CREBBP: variants seen among roughly 807,000 people sequenced by gnomAD.
CREBBP encodes the protein CREB-binding protein.
In CREBBP, 19 loss-of-function variants were observed where a neutral mutation model predicts 265.0. The ratio of observed to expected loss-of-function variants is 0.07; its 90% confidence interval spans 0.05 to 0.11. The LOEUF is 0.11. Among genes scored for constraint, CREBBP ranks in the 10% least tolerant of loss-of-function variants. The pLI is 1.00. For missense variants in CREBBP, 2,525 were observed against 3,219.0 expected (o/e 0.78, Z 5.22); for synonymous variants, 1,457 against 1,223.7 (o/e 1.19, Z -3.98).
rs1286720330 is a variant in CREBBP at position 3,740,419 on chromosome 16, G to C, written c.4113C>G (p.Val1371=). The C allele has an allele frequency of 4.3e-6, 7 of 1,614,044 alleles. No individual in the cohort carries two copies. The East Asian group carries it at 8.9e-5, about 21-fold the overall frequency. The change falls in exon 24 of 31, where the codon GTC becomes GTG. Residue 1371 remains valine, a synonymous_variant. Transcript: ENST00000262367. ...VVASSDKTVE[V]KPGMKSRFVD... is the part of the protein sequence containing the mutation. The stretch of plus-strand genomic sequence containing the variant: ...CTGACCGTGACTTCATCCCGGGCTT[G>C]ACCTCCACCGTCTTGTCTGAGCTGG...
At chr16:3,848,624 C>G (rs1452923168) in intron 2 of CREBBP, among the ~76,000 whole-genome samples, 3 of 151,966 alleles carry the variant, frequency 2.0e-5, no homozygotes, top group African/African-American at 7.3e-5. Flanking sequence ...ATTCAGGAGT[C>G]TTGAGATTAA....
chr16:3,853,327 C>G (rs1297605232), intron 1 of CREBBP, among the ~76,000 whole-genome samples: 2 of 152,146 alleles, frequency 1.3e-5, no homozygotes, highest in Admixed American at 6.5e-5. Context: ...TTTAAAACAT[C>G]AGGCCGGGTG....
chr16:3,770,642 G>T lies in CREBBP; in HGVS notation c.2808C>A (p.Pro936=), dbSNP rs1173731291. The T allele has an allele frequency of 3.1e-6, 5 of 1,613,864 alleles. No individual in the cohort carries two copies. Among genetic ancestry groups the T allele is most frequent in the Non-Finnish European group, 4.2e-6 (5 of 1,180,032 alleles). The change falls in exon 14 of 31, where the codon CCC becomes CCA. Residue 936 remains proline (P), a synonymous_variant. Coordinates refer to ENST00000262367, the MANE Select transcript of CREBBP (RefSeq NM_004380.3). Reference sequence around the variant, plus strand: ...ATGACTGAGGGGTAGCCACAGACGGGGGCTGAACTGGGGTTTGAGGCTGCG... The same window carrying T: ...ATGACTGAGGGGTAGCCACAGACGGTGGCTGAACTGGGGTTTGAGGCTGCG... ...VTPQPQTPVQ[P]PSVATPQSSQ... is the part of the protein sequence containing the mutation.
intron 11 of CREBBP, 71 bp downstream of exon 11, chr16:3,777,542 G>T: frequency 6.7e-7 from 1 of 1,494,712 alleles, no homozygotes; most frequent in Non-Finnish European, 9.3e-7. Context: ...CAGGGGGAGA[G>T]GAAAAAACAG....
chr16:3,732,257 C>T (rs774797047), intron 28 of CREBBP, among the ~76,000 whole-genome samples: 1 of 152,210 alleles, frequency 6.6e-6, no homozygotes, highest in Non-Finnish European at 1.5e-5. Flanking sequence ...CAACCAGATG[C>T]GGAAGATTCC....
chr16:3,754,378 T>G (rs1192680313), intron 19 of CREBBP, among the ~76,000 whole-genome samples: 1 of 152,206 alleles, frequency 6.6e-6, no homozygotes, highest in East Asian at 1.9e-4. Flanking sequence ...TAGTCCACAC[T>G]TTATTCTCCC....
At chr16:3,730,035 G>C (rs922814106) in intron 30 of CREBBP, among the ~76,000 whole-genome samples, 161 bp from the exon 31 acceptor site, 1 of 152,100 alleles carries the variant, frequency 6.6e-6, no homozygotes, top group South Asian at 2.1e-4. Flanking sequence ...TGGGAGACCC[G>C]GACAGGGCGG....
rs557312356 is a variant in CREBBP at position 3,868,846 on chromosome 16, C to T, written c.85+10986G>A. The stretch of plus-strand genomic sequence containing the variant: ...CTGCCACTACTGTCATCACCACAGC[C>T]CAGCAGGGTGCCCCACACGTAAAAT... On this transcript the variant is annotated intron_variant, in intron 1 of 30. Coordinates refer to ENST00000262367, the MANE Select transcript of CREBBP (RefSeq NM_004380.3). 4.5e-4 allele frequency among the ~76,000 whole-genome samples: 69 copies of T among 152,284 alleles called. 1 individual carries two copies. In the South Asian group the frequency reaches 0.014, roughly 31 times the overall value.
Position 3,844,795 on chromosome 16 carries a change from T to C in CREBBP, c.798+5502A>G, listed in dbSNP as rs146709281. Among the ~76,000 whole-genome samples the C allele has an allele frequency of 5.3e-5, 8 of 152,272 alleles. No individual in the cohort carries two copies. The East Asian group carries it at 1.3e-3, about 26-fold the overall frequency. On this transcript the variant is annotated intron_variant, in intron 2 of 30. Transcript: ENST00000262367. ...TAGCGTATACATAACATCTTTCCTA[T>C]ATTAAAATAGCCAGTTAGATAATGA... is the stretch of plus-strand genomic sequence containing the variant.
intron 18 of CREBBP, 65 bp downstream of exon 18, chr16:3,757,744 G>A (rs2052620420): frequency 6.2e-7 from 1 of 1,603,562 alleles, no homozygotes; most frequent in Non-Finnish European, 8.5e-7. Context: ...TCTCATATTA[G>A]TATAACACCC....
intron 1 of CREBBP, among the ~76,000 whole-genome samples, chr16:3,859,073 GT>G (rs1322222647): frequency 1.3e-5 from 2 of 151,180 alleles, no homozygotes; most frequent in African/African-American, 4.9e-5. Flanking sequence ...TTTTTTCATG[GT>G]TTCTTTAGAT....
At chr16:3,876,091 T>G (rs1450819380) in intron 1 of CREBBP, among the ~76,000 whole-genome samples, 1 of 152,032 alleles carries the variant, frequency 6.6e-6, no homozygotes, top group Non-Finnish European at 1.5e-5. Context: ...CAGGCCAGAG[T>G]GCAGTGGCAT....
chr16:3,852,821 A>G (rs1452174573), intron 1 of CREBBP, among the ~76,000 whole-genome samples: 1 of 152,108 alleles, frequency 6.6e-6, no homozygotes, highest in African/African-American at 2.4e-5. Context: ...CTTTCAAAGT[A>G]ACTTTTCTCT....
Position 3,727,037 on chromosome 16 carries a change from T to C in CREBBP, c.*681A>G, listed in dbSNP as rs1481481914. The C allele has an allele frequency of 4.3e-6, 1 of 233,912 alleles. No homozygotes were observed. Among genetic ancestry groups the C allele is most frequent in the African/African-American group, 2.2e-5 (1 of 45,356 alleles). The allele number at this position is 233,912 out of a possible 1,614,324, so 14.5% of individuals were successfully genotyped here. ...TAACATTAGCATGGTCTAAGAGTGA[T>C]CATCCCTATTTTTTGTCTAAAACCA... is the stretch of plus-strand genomic sequence containing the variant. On this transcript the variant is annotated 3_prime_UTR_variant, in exon 31 of 31. Coordinates refer to ENST00000262367, the MANE Select transcript of CREBBP (RefSeq NM_004380.3).
At chr16:3,849,146 G>A (rs1041747947) in intron 2 of CREBBP, among the ~76,000 whole-genome samples, 1 of 152,176 alleles carries the variant, frequency 6.6e-6, no homozygotes, top group African/African-American at 2.4e-5. Flanking sequence ...CCTGGTGGCT[G>A]CTGTTGAGAA....
intron 2 of CREBBP, among the ~76,000 whole-genome samples, chr16:3,818,601 G>A (rs2054084720): frequency 6.6e-6 from 1 of 152,180 alleles, no homozygotes; most frequent in Non-Finnish European, 1.5e-5. Flanking sequence ...TGGGATTACA[G>A]GCGTGAGCCA....
rs2151303982 is a variant in CREBBP, at chr16:3,728,607, G to C, written c.6440C>G (p.Ala2147Gly). Residue 2147 changes from alanine (A) to glycine (G), a missense_variant, in exon 31 of 31, where the codon GCT becomes GGT. Transcript: ENST00000262367. This position sits in a 1 kb window ranked among gnomAD's most constrained non-coding sequence, Gnocchi z 8.7. ...AGGCACACCGGGCCGCGGCACGCCA[G>C]CCTGCATGGCATTCAGGTTCTGCAG... is the stretch of plus-strand genomic sequence containing the variant. ...PSLQNLNAMQ[A>G]GVPRPGVPPQ... 6.2e-7 allele frequency: 1 copy of C among 1,613,750 alleles called. No homozygotes were observed. Among genetic ancestry groups the C allele is most frequent in the Non-Finnish European group, 8.5e-7 (1 of 1,179,964 alleles).
chr16:3,757,701 T>A (rs765238383), intron 18 of CREBBP, 108 bp downstream of exon 18: 2 of 1,473,724 alleles, frequency 1.4e-6, no homozygotes, highest in Non-Finnish European at 1.9e-6. Context: ...AGACAGCAGA[T>A]TGCACATATG....
At position 3,850,775 on chromosome 16, in the gene CREBBP, G is replaced by A. The variant is rs766844540; in HGVS notation, c.320C>T (p.Pro107Leu). 6.8e-6 allele frequency: 11 copies of A among 1,614,044 alleles called. No homozygotes were observed. Among genetic ancestry groups the A allele is most frequent in the African/African-American group, 2.7e-5 (2 of 75,050 alleles). ...QGLGGQAQGQPNSANMASLSA... is the reference protein window; with the variant it reads ...QGLGGQAQGQLNSANMASLSA... Reference sequence around the variant, plus strand: ...GAGGCTGGCCATGTTAGCACTGTTCGGCTGCCCTTGAGCCTGGCCACCCAG... The same window carrying A: ...GAGGCTGGCCATGTTAGCACTGTTCAGCTGCCCTTGAGCCTGGCCACCCAG... The change falls in exon 2 of 31, where the codon CCG (proline) becomes CTG (leucine). Residue 107 changes from proline (P) to leucine (L), a missense_variant. Transcript: ENST00000262367.
Sources: gnomAD v4.1 joint callset for allele counts (sites outside exome capture counted in the v4.1 genomes callset) on GRCh38, gnomAD v4.1.1 for gene constraint, Gnocchi (gnomAD v3.1) non-coding constraint, MANE v1.5 for transcripts, NCBI Gene and HGNC (gene_info 2026-07-23, HGNC 2026-07-21) for gene names.